The following ZNF107 variants were observed in gnomAD, a reference collection of about 807,000 sequenced individuals.
ZNF107 encodes the protein zinc finger protein 107.
ZNF107 carries 19 observed loss-of-function variants against 12.3 expected under a neutral mutation model. The observed-to-expected ratio is 1.55, with a 90% CI of 1.08 to 2.27. ZNF107 has a LOEUF of 2.27. Ranked by LOEUF, ZNF107 falls within the 30% of genes most tolerant of loss-of-function variation. ZNF107 has a pLI of 0.00. For missense variants in ZNF107, 958 were observed against 979.9 expected, an observed-to-expected ratio of 0.98 and a Z score of 0.30; for synonymous variants, 317 against 330.5, an observed-to-expected ratio of 0.96 and a Z score of 0.44.
chr7:64,668,030 C>G (rs57376970), intron 1 of ZNF107, among the ~76,000 whole-genome samples: 7,096 of 151,476 alleles, frequency 0.047, 450 homozygotes, highest in African/African-American at 0.14. Context: ...GGAGTAGTCA[C>G]TGAGGCATAG....
At chr7:64,680,555 T>C (rs951606782) in intron 1 of ZNF107, among the ~76,000 whole-genome samples, 7 of 152,062 alleles carry the variant, frequency 4.6e-5, no homozygotes, top group African/African-American at 1.7e-4. Flanking sequence ...TCCAAAAAGC[T>C]GCGTATAAGG....
intron 3 of ZNF107, among the ~76,000 whole-genome samples, chr7:64,703,305 C>T (rs1790535652): frequency 6.6e-6 from 1 of 152,000 alleles, no homozygotes; most frequent in African/African-American, 2.4e-5. Context: ...AATATTATCC[C>T]TGTATTTTTT....
At position 64,706,323 on chromosome 7, in the gene ZNF107, G is replaced by T; in HGVS notation, c.227-1G>T. 1 of 1,527,390 alleles carries T rather than the reference G, an allele frequency of 6.5e-7. No individual in the cohort carries two copies. The highest frequency in any genetic ancestry group is 1.3e-5 in the South Asian group (1 of 75,668). 94.6% of individuals were successfully genotyped at this position (1,527,390 alleles called of 1,614,324 possible). On this transcript the variant is annotated splice_acceptor_variant, in intron 3 of 3. Coordinates refer to ENST00000620827, the MANE Select transcript of ZNF107 (RefSeq NM_001282359.2). LOFTEE classifies it high-confidence loss of function. ...TAATTTATTATTTTTATTTCTTTCA[G>T]TAATGTCTTTTCATTTTGCCCAAGA...
At chr7:64,691,426 C>T in intron 2 of ZNF107, 52 bp downstream of exon 2, 1 of 1,332,536 alleles carries the variant, frequency 7.5e-7, no homozygotes, top group South Asian at 1.9e-5. Context: ...AGTTTTATTT[C>T]TCTATTTCTG....
At position 64,710,294 on chromosome 7, in the gene ZNF107, A is replaced by G. The variant is rs140834844; in HGVS notation, c.*1638A>G. On this transcript the variant is annotated 3_prime_UTR_variant, in exon 4 of 4. Coordinates refer to ENST00000620827, the MANE Select transcript of ZNF107 (RefSeq NM_001282359.2). ...TGTTGTTCAACACCAGAAAATTTAT[A>G]TTGGAGAAAAGCACTGTAAATGTAA... The G allele has an allele frequency of 7.9e-5, 12 of 152,342 alleles. No individual in the cohort carries two copies. The highest frequency in any genetic ancestry group is 2.4e-4 in the African/African-American group (10 of 41,584). The allele number at this position is 152,342 out of a possible 1,614,324, so 9.4% of individuals were successfully genotyped here.
chr7:64,679,383 A>G, intron 1 of ZNF107: 7 of 978,032 alleles, frequency 7.2e-6, no homozygotes, highest in African/African-American at 1.7e-5. Context: ...CTTAGAGAGG[A>G]GAGGACACTC....
chr7:64,694,133 T>C (rs1790209770), intron 3 of ZNF107, among the ~76,000 whole-genome samples: 1 of 152,228 alleles, frequency 6.6e-6, no homozygotes, highest in African/African-American at 2.4e-5. Context: ...GAACTGTGGA[T>C]CAGGGAGCTG....
At chr7:64,693,878 T>C (rs1350720384) in intron 3 of ZNF107, among the ~76,000 whole-genome samples, 1 of 152,028 alleles carries the variant, frequency 6.6e-6, no homozygotes, top group Non-Finnish European at 1.5e-5. Flanking sequence ...AACCTTTGCC[T>C]CCCGGGTTCA....
intron 1 of ZNF107, among the ~76,000 whole-genome samples, chr7:64,668,169 A>G (rs1226185046): frequency 6.6e-6 from 1 of 151,602 alleles, no homozygotes; most frequent in African/African-American, 2.4e-5. Context: ...TTTTATTATT[A>G]TTATACTTTA....
chr7:64,670,869 A>C (rs1347893453), intron 1 of ZNF107, among the ~76,000 whole-genome samples: 1 of 151,938 alleles, frequency 6.6e-6, no homozygotes, highest in African/African-American at 2.4e-5. Context: ...AACTTGAGGG[A>C]GTTATGGGAA....
At chr7:64,702,976 T>G (rs919136258) in intron 3 of ZNF107, among the ~76,000 whole-genome samples, 26 of 152,234 alleles carry the variant, frequency 1.7e-4, no homozygotes, top group African/African-American at 6.3e-4. Context: ...GTTATCCGCC[T>G]TTTATGTCTT....
At position 64,691,341 on chromosome 7, in the gene ZNF107, T is replaced by G. The variant is rs1442212389; in HGVS notation, c.97T>G (p.Leu33Val). 1 of 1,529,126 alleles carries G rather than the reference T, an allele frequency of 6.5e-7. No individual in the cohort carries two copies. Among genetic ancestry groups the G allele is most frequent in the East Asian group, 2.5e-5 (1 of 40,796 alleles). 94.7% of individuals were successfully genotyped at this position (1,529,126 alleles called of 1,614,324 possible). Reference protein sequence around the residue: ...TAQRDLYRNVLLENYRNLVFL... With the variant: ...TAQRDLYRNVVLENYRNLVFL... ...ACAGCGGGATTTATATAGGAATGTG[T>G]TGTTAGAGAACTACAGAAACCTGGT... The change falls in exon 2 of 4, where the codon TTG becomes GTG. Residue 33 changes from leucine to valine, a missense_variant. Coordinates refer to ENST00000620827, the MANE Select transcript of ZNF107 (RefSeq NM_001282359.2).
In ZNF107 at chr7:64,708,610, T is replaced by C. The variant is rs759064320; in HGVS notation, c.2513T>C (p.Ile838Thr). The change falls in exon 4 of 4, where the codon ATT becomes ACT. Residue 838 changes from isoleucine (I) to threonine (T), a missense_variant. Ile to Thr is a moderately conservative substitution (Grantham distance 89, BLOSUM62 -1). Transcript: ENST00000620827. Reference protein sequence around the residue: ...LSSNLTTHKKIHTGEKPYKCE... With the variant: ...LSSNLTTHKKTHTGEKPYKCE... ...TCAAATCTTACTACACATAAGAAAA[T>C]TCATACTGGAGAGAAACCCTACAAA... The C allele has an allele frequency of 2.5e-6, 4 of 1,595,416 alleles. No homozygotes were observed. The Admixed American group carries it at 5.1e-5, about 20-fold the overall frequency.
intron 1 of ZNF107, among the ~76,000 whole-genome samples, chr7:64,687,863 TTTTTC>T (rs1203372973): frequency 6.6e-6 from 1 of 152,108 alleles, no homozygotes; most frequent in African/African-American, 2.4e-5. Flanking sequence ...CTGGAGAAAA[TTTTTC>T]TTTTATTTAT....
At chr7:64,679,518 G>A (rs1443028140) in intron 1 of ZNF107, among the ~76,000 whole-genome samples, 1 of 152,060 alleles carries the variant, frequency 6.6e-6, no homozygotes, top group Non-Finnish European at 1.5e-5. Flanking sequence ...CAACCCAGAT[G>A]GGGACACCTG....
rs1408309477 is a variant in ZNF107, at chr7:64,708,042, T to C, written c.1945T>C (p.Tyr649His). 6.2e-7 allele frequency: 1 copy of C among 1,613,474 alleles called. No homozygotes were observed. Among genetic ancestry groups the C allele is most frequent in the Non-Finnish European group, 8.5e-7 (1 of 1,179,712 alleles). ...GATAATTCATACTGGAGAGAACCTC[T>C]ACAAATTTGAAGAACATGGAAAAGC... ...QKIIHTGENL[Y>H]KFEEHGKAFN... The change falls in exon 4 of 4, where the codon TAC becomes CAC. Residue 649 changes from tyrosine to histidine, a missense_variant. Transcript: ENST00000620827.
At chr7:64,696,009 G>A (rs6651044) in intron 3 of ZNF107, among the ~76,000 whole-genome samples, 54,271 of 151,558 alleles carry the variant, frequency 0.36, 10,629 homozygotes, top group South Asian at 0.52. Flanking sequence ...CAAAAGGATC[G>A]CTTGAGCCCA....
At chr7:64,669,703 A>G (rs9638380) in intron 1 of ZNF107, among the ~76,000 whole-genome samples, 7,134 of 152,112 alleles carry the variant, frequency 0.047, 450 homozygotes, top group African/African-American at 0.14. Context: ...CAGGAGAATC[A>G]CTTGAATCTG....
In ZNF107 at chr7:64,690,971, A is replaced by G. The variant is rs575299892; in HGVS notation, c.4-277A>G. 3.3e-5 allele frequency among the ~76,000 whole-genome samples: 5 copies of G among 151,684 alleles called. No homozygotes were observed. In the South Asian group the frequency reaches 8.4e-4, roughly 25 times the overall value. ...GGTCAGGCTGGTCTCGAACTCTTCAACCTCAGGTGATCCGCCTCTGCCTCC... is the reference window on the plus strand; with the variant it reads ...GGTCAGGCTGGTCTCGAACTCTTCAGCCTCAGGTGATCCGCCTCTGCCTCC... On this transcript the variant is annotated intron_variant, in intron 1 of 3. Coordinates refer to ENST00000620827, the MANE Select transcript of ZNF107 (RefSeq NM_001282359.2).
Sources: allele counts gnomAD v4.1 joint callset (sites outside exome capture counted in the v4.1 genomes callset), GRCh38; gene constraint gnomAD v4.1.1; transcripts MANE v1.5; gene names NCBI Gene and HGNC (gene_info 2026-07-23, HGNC 2026-07-21).